ZNF236: variants seen among roughly 807,000 people sequenced by gnomAD.
ZNF236 encodes the protein regulated by glucose.
Under a neutral mutation model 191.2 loss-of-function variants are expected in ZNF236, and 50 were observed. The observed-to-expected ratio is 0.26, with a 90% CI of 0.21 to 0.33. The LOEUF is 0.33. Ranked by LOEUF, ZNF236 falls within the 10% of genes least tolerant of loss-of-function variation. ZNF236 has a pLI of 1.00. For synonymous variants in ZNF236, 907 were observed against 928.8 expected (o/e 0.98, Z 0.43); for missense variants, 1,754 against 2,374.5 (o/e 0.74, Z 5.43).
Position 76,895,044 on chromosome 18 carries a change from G to C in ZNF236, c.1449G>C (p.Trp483Cys), listed in dbSNP as rs1156503372. ...GSIREENGVR[W>C]HVCPYCAKEF... ...TCCGCGAGGAGAACGGCGTGCGCTGGCATGTGTGTCCCTACTGCGCCAAGG... is the reference window on the plus strand; with the variant it reads ...TCCGCGAGGAGAACGGCGTGCGCTGCCATGTGTGTCCCTACTGCGCCAAGG... The change falls in exon 10 of 31, where the codon TGG (tryptophan) becomes TGC (cysteine). Residue 483 changes from tryptophan to cysteine, a missense_variant. Coordinates refer to ENST00000320610, the MANE Select transcript of ZNF236 (RefSeq NM_001306089.2). 1 of 1,611,020 alleles carries C rather than the reference G, an allele frequency of 6.2e-7. No individual in the cohort carries two copies. The highest frequency in any genetic ancestry group is 8.5e-7 in the Non-Finnish European group (1 of 1,179,998).
chr18:76,881,968 C>T (rs903982721), intron 9 of ZNF236, among the ~76,000 whole-genome samples: 2 of 152,206 alleles, frequency 1.3e-5, no homozygotes, highest in Admixed American at 1.3e-4. Context: ...TGCAGCACAG[C>T]TCCCTCCTCC....
At chr18:76,964,223 G>A (rs1322670798) in intron 30 of ZNF236, among the ~76,000 whole-genome samples, 2 of 152,168 alleles carry the variant, frequency 1.3e-5, no homozygotes, top group Non-Finnish European at 2.9e-5. Flanking sequence ...TCCTAGCACT[G>A]CCTTTGCTGT....
At position 76,859,624 on chromosome 18, in the gene ZNF236, G is replaced by T. The variant is rs150324061; in HGVS notation, c.363+7685G>T. Among the ~76,000 whole-genome samples the T allele has an allele frequency of 1.8e-3, 276 of 152,230 alleles. 1 individual carries two copies. Among genetic ancestry groups the T allele is most frequent in the African/African-American group, 6.4e-3 (265 of 41,518 alleles). On this transcript the variant is annotated intron_variant, in intron 3 of 30. Coordinates refer to ENST00000320610, the MANE Select transcript of ZNF236 (RefSeq NM_001306089.2). ...TTGATCTTTAACCACAGCAACCGTG[G>T]AAACTTAGCTTCACAAAGACATGAT...
chr18:76,927,938 C>G lies in ZNF236; in HGVS notation c.4426C>G (p.Leu1476Val). 2 of 1,598,746 alleles carry G rather than the reference C, an allele frequency of 1.3e-6. No homozygotes were observed. The highest frequency in any genetic ancestry group is 1.7e-6 in the Non-Finnish European group (2 of 1,172,248). ...GTAATGACAATCAGGGACCCAAGAC[C>G]TCACTCAAGTGATGACTTCGCAAGG... ...LTTNSSGTQD[L>V]TQVMTSQGLV... is the part of the protein sequence containing the mutation. The change falls in exon 25 of 31, where the codon CTC becomes GTC. Residue 1476 changes from leucine (L) to valine (V), a missense_variant. By Grantham distance (32) the Leu-to-Val change is conservative. Around this residue, in one of 5 missense-constraint regions of ZNF236, gnomAD observed 606 missense variants for 761.5 expected, o/e 0.80. Transcript: ENST00000320610. The surrounding 1 kb of genome is among the most constrained non-coding windows in gnomAD (Gnocchi z 5.4).
At chr18:76,827,037 C>A (rs906683081) in intron 1 of ZNF236, among the ~76,000 whole-genome samples, 3 of 151,998 alleles carry the variant, frequency 2.0e-5, no homozygotes, top group Non-Finnish European at 2.9e-5. Context: ...GCTGGCATTA[C>A]AGGCATGCGC....
In ZNF236 at chr18:76,908,475, C is replaced by T. The variant is rs1390715408; in HGVS notation, c.2453C>T (p.Pro818Leu). 6.2e-7 allele frequency: 1 copy of T among 1,614,196 alleles called. No individual in the cohort carries two copies. The highest frequency in any genetic ancestry group is 8.5e-7 in the Non-Finnish European group (1 of 1,180,050). Residue 818 changes from proline (P) to leucine (L), a missense_variant, in exon 14 of 31, where the codon CCC (proline) becomes CTC (leucine). This residue lies in a region of ZNF236 where 641 missense variants were observed against 869.6 expected (regional missense o/e 0.74). Coordinates refer to ENST00000320610, the MANE Select transcript of ZNF236 (RefSeq NM_001306089.2). ...PQTAEVVAAN[P>L]EAMLDLEPQH... Reference sequence around the variant, plus strand: ...ACGGCAGAGGTGGTCGCAGCGAACCCCGAGGCCATGCTGGACCTGGAGCCT... The same window carrying T: ...ACGGCAGAGGTGGTCGCAGCGAACCTCGAGGCCATGCTGGACCTGGAGCCT...
chr18:76,936,291 C>T (rs1967996419), intron 25 of ZNF236: 2 of 455,400 alleles, frequency 4.4e-6, no homozygotes, highest in African/African-American at 2.0e-5. Flanking sequence ...ATGGATGGCT[C>T]GACTGTGGGA....
intron 28 of ZNF236, among the ~76,000 whole-genome samples, chr18:76,958,605 G>T (rs562439701): frequency 6.6e-6 from 1 of 152,192 alleles, no homozygotes; most frequent in Non-Finnish European, 1.5e-5. Context: ...CAGTGTGACC[G>T]CAGTTACATC....
At chr18:76,855,609 G>A (rs1175033987) in intron 3 of ZNF236, among the ~76,000 whole-genome samples, 1 of 152,164 alleles carries the variant, frequency 6.6e-6, no homozygotes, top group Admixed American at 6.5e-5. Flanking sequence ...TCATAATTAG[G>A]AAGTCACTGC....
intron 3 of ZNF236, among the ~76,000 whole-genome samples, chr18:76,855,985 G>A (rs2122538123): frequency 6.6e-6 from 1 of 151,564 alleles, no homozygotes; most frequent in South Asian, 2.1e-4. Context: ...GTTTTCCAAA[G>A]AGATTTTGTC....
intron 19 of ZNF236, among the ~76,000 whole-genome samples, chr18:76,918,703 C>T (rs973688979): frequency 9.2e-5 from 14 of 152,102 alleles, no homozygotes; most frequent in African/African-American, 2.9e-4. Context: ...TACAGGCGCG[C>T]GCCCCCATGC....
chr18:76,867,784 G>A (rs1233017732), intron 3 of ZNF236, among the ~76,000 whole-genome samples: 1 of 152,100 alleles, frequency 6.6e-6, no homozygotes, highest in Non-Finnish European at 1.5e-5. Flanking sequence ...GTCTAACCTC[G>A]TAACAGCCCT....
chr18:76,914,303 G>A (rs965853060), intron 18 of ZNF236, among the ~76,000 whole-genome samples: 3 of 152,180 alleles, frequency 2.0e-5, no homozygotes, highest in African/African-American at 4.8e-5. Flanking sequence ...GATATGCCAC[G>A]TCTTATTGAT....
chr18:76,968,979 A>C lies in ZNF236; in HGVS notation c.*640A>C, dbSNP rs575703303. 1.6e-4 allele frequency: 154 copies of C among 986,024 alleles called. 2 individuals carry two copies. In the South Asian group the frequency reaches 6.9e-3, roughly 44 times the overall value. The allele number at this position is 986,024 out of a possible 1,614,324, so 61.1% of individuals were successfully genotyped here. The stretch of plus-strand genomic sequence containing the variant: ...CAAGAATGCAGTATCTGGGGCGTCA[A>C]CATGGGGACTCGAGTAAACCTGACC... On this transcript the variant is annotated 3_prime_UTR_variant, in exon 31 of 31. Coordinates refer to ENST00000320610, the MANE Select transcript of ZNF236 (RefSeq NM_001306089.2).
chr18:76,941,575 C>A (rs1968133666), intron 26 of ZNF236, among the ~76,000 whole-genome samples: 1 of 152,202 alleles, frequency 6.6e-6, no homozygotes, highest in African/African-American at 2.4e-5. Flanking sequence ...TAGCGCTTCC[C>A]TGCTGCCCCC....
chr18:76,911,519 C>T (rs960098468), intron 16 of ZNF236, among the ~76,000 whole-genome samples: 2 of 152,204 alleles, frequency 1.3e-5, no homozygotes, highest in Non-Finnish European at 2.9e-5. Flanking sequence ...TGTGCAAATC[C>T]AGTTCTGTTG....
intron 9 of ZNF236, among the ~76,000 whole-genome samples, chr18:76,891,837 C>G (rs546993510): frequency 1.2e-4 from 18 of 152,176 alleles, no homozygotes; most frequent in African/African-American, 3.9e-4. Flanking sequence ...CTTTTCTGGA[C>G]TGTTCTACTC....
At chr18:76,938,290 T>C (rs569086531) in intron 26 of ZNF236, among the ~76,000 whole-genome samples, 2 of 152,022 alleles carry the variant, frequency 1.3e-5, no homozygotes, top group Non-Finnish European at 2.9e-5. Flanking sequence ...CTCCGGGGGC[T>C]GAGGTGGGAG....
intron 9 of ZNF236, among the ~76,000 whole-genome samples, chr18:76,892,547 C>G (rs1016852424): frequency 1.1e-4 from 16 of 151,908 alleles, no homozygotes; most frequent in Non-Finnish European, 1.5e-5. Flanking sequence ...ATATCCTTTA[C>G]TTTTCTATAT....
Sources: allele counts gnomAD v4.1 joint callset (sites outside exome capture counted in the v4.1 genomes callset), GRCh38; gene constraint gnomAD v4.1.1; regional missense constraint gnomAD v4.1.1; non-coding constraint Gnocchi (gnomAD v3.1); transcripts MANE v1.5; gene names NCBI Gene and HGNC (gene_info 2026-07-23, HGNC 2026-07-21).